EXOC4: variants seen among roughly 807,000 people sequenced by gnomAD.
EXOC4 encodes the protein SEC8-like 1.
EXOC4 carries 71 observed loss-of-function variants against 107.2 expected under a neutral mutation model. That is an observed-to-expected ratio of 0.66 (90% confidence interval 0.55 to 0.81). The LOEUF is 0.81. Among genes scored for constraint, EXOC4 ranks in the 30% least tolerant of loss-of-function variants. EXOC4 has a pLI of 0.00. For missense variants in EXOC4, 1,108 were observed against 1,189.6 expected, an observed-to-expected ratio of 0.93 and a Z score of 1.01; for synonymous variants, 456 against 441.2, an observed-to-expected ratio of 1.03 and a Z score of -0.42.
chr7:133,632,150 C>T (rs1802607148), intron 10 of EXOC4, among the ~76,000 whole-genome samples: 1 of 152,094 alleles, frequency 6.6e-6, no homozygotes, highest in South Asian at 2.1e-4. Context: ...TCTGGTGGAA[C>T]TTAATGTATT....
the EXOC4 span, among the ~76,000 whole-genome samples, chr7:134,077,161 T>A: frequency 6.6e-6 from 1 of 152,018 alleles, no homozygotes; most frequent in African/African-American, 2.4e-5. Context: ...TGGTGTAACT[T>A]TCAGTGGGGG....
intron 10 of EXOC4, among the ~76,000 whole-genome samples, chr7:133,778,072 A>G (rs1796383290): frequency 1.3e-5 from 2 of 152,242 alleles, no homozygotes; most frequent in Non-Finnish European, 2.9e-5. Flanking sequence ...TGAGAATTAC[A>G]GGCATTCTCC....
chr7:133,993,665 GT>G (rs896933751), intron 14 of EXOC4, among the ~76,000 whole-genome samples: 1 of 152,212 alleles, frequency 6.6e-6, no homozygotes, highest in Non-Finnish European at 1.5e-5. Context: ...AAGTCAAGCA[GT>G]TGCTTCTTTT....
intron 11 of EXOC4, among the ~76,000 whole-genome samples, chr7:133,849,174 C>T (rs781178937): frequency 2.6e-5 from 4 of 152,164 alleles, no homozygotes; most frequent in Admixed American, 2.0e-4. Context: ...CCTCTGTAAT[C>T]CCAGTGCAAT....
At chr7:133,369,672 T>G (rs1796321078) in intron 6 of EXOC4, among the ~76,000 whole-genome samples, 1 of 152,166 alleles carries the variant, frequency 6.6e-6, no homozygotes, top group African/African-American at 2.4e-5. Flanking sequence ...TATTTATCAC[T>G]TTTAAAATTT....
At chr7:133,833,293 A>T (rs574013523) in intron 11 of EXOC4, among the ~76,000 whole-genome samples, 37 of 151,852 alleles carry the variant, frequency 2.4e-4, no homozygotes, top group Admixed American at 5.9e-4. Context: ...GGAAACCTGG[A>T]ATTGATTAAT....
At chr7:133,369,706 C>T (rs551960362) in intron 6 of EXOC4, among the ~76,000 whole-genome samples, 3 of 152,070 alleles carry the variant, frequency 2.0e-5, no homozygotes, top group African/African-American at 7.2e-5. Flanking sequence ...CTCTGCTGAG[C>T]TCCAGACTTG....
chr7:133,573,854 T>C (rs928631274), intron 9 of EXOC4, among the ~76,000 whole-genome samples: 1 of 152,242 alleles, frequency 6.6e-6, no homozygotes, highest in Non-Finnish European at 1.5e-5. Context: ...ACGGTTTGAT[T>C]CATTGCTGTC....
At chr7:133,583,418 G>A (rs930427450) in intron 9 of EXOC4, among the ~76,000 whole-genome samples, 2 of 152,170 alleles carry the variant, frequency 1.3e-5, no homozygotes, top group South Asian at 4.1e-4. Context: ...AGTAATGGTG[G>A]CACCCCAGGG....
At position 133,794,306 on chromosome 7, in the gene EXOC4, G is replaced by A. The variant is rs147549379; in HGVS notation, c.1515-23019G>A. Reference sequence around the variant, plus strand: ...ATTTAGGTGATATTTTCATCTTTACGGTCTAGATGAGTCATAGAGTAAGTG... The same window carrying A: ...ATTTAGGTGATATTTTCATCTTTACAGTCTAGATGAGTCATAGAGTAAGTG... On this transcript the variant is annotated intron_variant, in intron 10 of 17. Transcript: ENST00000253861. Among the ~76,000 whole-genome samples the A allele has an allele frequency of 4.7e-3, 713 of 152,084 alleles. 3 individuals carry two copies. The highest frequency in any genetic ancestry group is 0.016 in the African/African-American group (668 of 41,468).
chr7:133,871,316 A>C (rs1798747057), intron 11 of EXOC4, among the ~76,000 whole-genome samples: 3 of 150,856 alleles, frequency 2.0e-5, no homozygotes. Context: ...CACCACAAAA[A>C]CCACCAAACA....
intron 14 of EXOC4, among the ~76,000 whole-genome samples, chr7:133,963,219 C>T (rs779597239): frequency 1.2e-4 from 19 of 152,216 alleles, no homozygotes; most frequent in Non-Finnish European, 2.5e-4. Flanking sequence ...TTGGGGTGCT[C>T]CCATTTTTGT....
chr7:133,300,296 G>A (rs1023575065), intron 3 of EXOC4, among the ~76,000 whole-genome samples: 4 of 152,168 alleles, frequency 2.6e-5, no homozygotes, highest in Non-Finnish European at 5.9e-5. Flanking sequence ...TTCAGTACCA[G>A]ACTGTCAATA....
At chr7:133,805,769 G>T (rs1259876286) in intron 10 of EXOC4, among the ~76,000 whole-genome samples, 1 of 152,186 alleles carries the variant, frequency 6.6e-6, no homozygotes, top group Non-Finnish European at 1.5e-5. Flanking sequence ...AAACTGCAAG[G>T]AGTTCTAGAT....
At chr7:133,330,824 G>A (rs1303230947) in intron 5 of EXOC4, among the ~76,000 whole-genome samples, 1 of 152,088 alleles carries the variant, frequency 6.6e-6, no homozygotes, top group Admixed American at 6.5e-5. Flanking sequence ...GGGTACCTCA[G>A]TTGGAAATGC....
chr7:133,863,449 C>T (rs1407525046), intron 11 of EXOC4, among the ~76,000 whole-genome samples: 1 of 152,094 alleles, frequency 6.6e-6, no homozygotes, highest in East Asian at 1.9e-4. Context: ...GACACAGTAA[C>T]CATATACTGT....
At chr7:133,867,404 A>G (rs558530871) in intron 11 of EXOC4, among the ~76,000 whole-genome samples, 1 of 152,180 alleles carries the variant, frequency 6.6e-6, no homozygotes, top group Non-Finnish European at 1.5e-5. Context: ...TATGGCATCA[A>G]TCCTTACGAA....
At chr7:133,270,982 G>A (rs1034369082) in intron 1 of EXOC4, among the ~76,000 whole-genome samples, 4 of 148,822 alleles carry the variant, frequency 2.7e-5, no homozygotes, top group African/African-American at 7.4e-5. Context: ...GCAGTGGCAC[G>A]ATCTCGGCTC....
At chr7:134,073,842 A>T in the EXOC4 span, among the ~76,000 whole-genome samples, 1 of 151,968 alleles carries the variant, frequency 6.6e-6, no homozygotes, top group South Asian at 2.1e-4. Flanking sequence ...AGGTCAGGAG[A>T]GCGGGGTGAG....
Sources: allele counts gnomAD v4.1 joint callset (sites outside exome capture counted in the v4.1 genomes callset), GRCh38; gene constraint gnomAD v4.1.1; transcripts MANE v1.5; gene names NCBI Gene and HGNC (gene_info 2026-07-23, HGNC 2026-07-21).